CAMTA1: variants seen among roughly 807,000 people sequenced by gnomAD.
The protein encoded by CAMTA1 is calmodulin binding transcription activator 1.
A neutral mutation model predicts 170.9 loss-of-function variants in CAMTA1; 27 were observed. That is an observed-to-expected ratio of 0.16 (90% CI 0.12 to 0.22). CAMTA1 has a LOEUF of 0.22. Ranked by LOEUF, CAMTA1 falls within the 10% of genes least tolerant of loss-of-function variation. CAMTA1 has a pLI of 1.00. For missense variants in CAMTA1, 1,619 were observed against 2,217.2 expected, an observed-to-expected ratio of 0.73 and a Z score of 5.42; for synonymous variants, 833 against 891.5, an observed-to-expected ratio of 0.93 and a Z score of 1.17.
chr1:7,550,734 C>T (rs1454554490), intron 6 of CAMTA1, among the ~76,000 whole-genome samples: 2 of 151,026 alleles, frequency 1.3e-5, no homozygotes, highest in Non-Finnish European at 3.0e-5. Context: ...TGACTCCTCC[C>T]CACTGAACCC....
rs139267287 is a variant in CAMTA1 at position 7,769,468 on chromosome 1, G to A, written c.*2977G>A. ...ATGGCAGTTCCACACAGTAGTTGGC[G>A]CCCAATGGGGGGTCCCTGAGACTTG... On this transcript the variant is annotated 3_prime_UTR_variant, in exon 23 of 23. Transcript: ENST00000303635. 3 of 152,862 alleles carry A rather than the reference G, an allele frequency of 2.0e-5. No individual in the cohort carries two copies. Among genetic ancestry groups the A allele is most frequent in the African/African-American group, 7.2e-5 (3 of 41,550 alleles). 9.5% of individuals were successfully genotyped at this position (152,862 alleles called of 1,614,324 possible). A position where few individuals can be genotyped will look rare whatever the true frequency, so the allele number is the denominator to read the frequency against.
At chr1:7,447,419 G>C (rs1166049797) in intron 5 of CAMTA1, among the ~76,000 whole-genome samples, 17 of 151,470 alleles carry the variant, frequency 1.1e-4, no homozygotes, top group Non-Finnish European at 2.2e-4. Flanking sequence ...GGCTTTGAGT[G>C]GGGGCGGGGT....
At chr1:7,147,247 C>T (rs192857297) in intron 4 of CAMTA1, among the ~76,000 whole-genome samples, 24 of 152,112 alleles carry the variant, frequency 1.6e-4, no homozygotes, top group African/African-American at 4.8e-4. Flanking sequence ...GGTGAAACCC[C>T]GTCTCTACTA....
intron 14 of CAMTA1, 83 bp downstream of exon 14, chr1:7,737,092 G>A (rs958398386): frequency 3.7e-5 from 50 of 1,343,744 alleles, no homozygotes; most frequent in African/African-American, 5.8e-5. Flanking sequence ...GTTGTCTCTT[G>A]CTGACACATG....
chr1:7,157,196 T>A (rs1646935994), intron 4 of CAMTA1, among the ~76,000 whole-genome samples: 2 of 151,314 alleles, frequency 1.3e-5, no homozygotes, highest in East Asian at 3.9e-4. Flanking sequence ...ACAAAAAAAA[T>A]TAGCCGGGCG....
intron 6 of CAMTA1, among the ~76,000 whole-genome samples, chr1:7,497,123 C>T (rs1248921201): frequency 6.6e-6 from 1 of 152,192 alleles, no homozygotes; most frequent in Admixed American, 6.5e-5. Context: ...AAGTGGCTGC[C>T]GCTTCTCCTG....
At chr1:6,861,386 T>C (rs1385923504) in intron 3 of CAMTA1, among the ~76,000 whole-genome samples, 1 of 152,250 alleles carries the variant, frequency 6.6e-6, no homozygotes, top group South Asian at 2.1e-4. Context: ...GCAACTTTTC[T>C]TGTCACTGAG....
Position 7,696,509 on chromosome 1 carries a change from TA to T in CAMTA1, c.2914+18780del, listed in dbSNP as rs111832916. Among the ~76,000 whole-genome samples, 208 of 151,186 alleles carry T rather than the reference TA, an allele frequency of 1.4e-3. 1 individual carries two copies. Among genetic ancestry groups the T allele is most frequent in the East Asian group, 9.7e-3 (50 of 5,136 alleles). On this transcript the variant is annotated intron_variant, in intron 11 of 22. Coordinates refer to ENST00000303635, the MANE Select transcript of CAMTA1 (RefSeq NM_015215.4). The stretch of plus-strand genomic sequence containing the variant: ...GTGCCCAGCCAGTTTTTTTTTTTTT[TA>T]AAATAAATGTTATCTGCTTTATAAG...
intron 6 of CAMTA1, among the ~76,000 whole-genome samples, chr1:7,612,698 A>G (rs930495772): frequency 3.3e-5 from 5 of 152,366 alleles, no homozygotes; most frequent in African/African-American, 9.6e-5. Flanking sequence ...GCTGCCAGGC[A>G]CAGCCATTCT....
At chr1:7,396,901 AT>A (rs2089357637) in intron 5 of CAMTA1, among the ~76,000 whole-genome samples, 3 of 152,146 alleles carry the variant, frequency 2.0e-5, no homozygotes. Context: ...GTTTGCTAGT[AT>A]TTTGTTGAGG....
chr1:7,498,355 G>T (rs2093875185), intron 6 of CAMTA1, among the ~76,000 whole-genome samples: 1 of 140,924 alleles, frequency 7.1e-6, no homozygotes, highest in Non-Finnish European at 1.5e-5. Flanking sequence ...TGTGTGTAGA[G>T]TGAGTGTGGA....
chr1:6,985,342 T>C (rs1186319874), intron 3 of CAMTA1, among the ~76,000 whole-genome samples: 1 of 152,242 alleles, frequency 6.6e-6, no homozygotes, highest in African/African-American at 2.4e-5. Context: ...AGATGATCTC[T>C]GCTCCTCTCC....
At chr1:6,977,466 G>A (rs571874292) in intron 3 of CAMTA1, among the ~76,000 whole-genome samples, 9 of 151,964 alleles carry the variant, frequency 5.9e-5, no homozygotes, top group East Asian at 3.9e-4. Context: ...TCAGCCTCCC[G>A]AGTAGCTGGG....
rs568490900 is a variant in CAMTA1 at position 7,749,297 on chromosome 1, A to T, written c.4689+1516A>T. ...CGTTTCCTCAAGCTTCTCTAGGATT[A>T]AGCCCTATTAATGGGGGTGGGGGGA... On this transcript the variant is annotated intron_variant, in intron 19 of 22. Coordinates refer to ENST00000303635, the MANE Select transcript of CAMTA1 (RefSeq NM_015215.4). Among the ~76,000 whole-genome samples, 24 of 152,268 alleles carry T rather than the reference A, an allele frequency of 1.6e-4. No homozygotes were observed. The South Asian group carries it at 5.0e-3, about 32-fold the overall frequency.
At position 7,449,715 on chromosome 1, in the gene CAMTA1, A is replaced by C. The variant is rs2092769383; in HGVS notation, c.439-18115A>C. On this transcript the variant is annotated intron_variant, in intron 5 of 22. Transcript: ENST00000303635. The stretch of plus-strand genomic sequence containing the variant: ...AACCTGGGAGGTGGAGGTTGCAGTG[A>C]GCCGAAATAGTGCCACTACACTCCA... Among the ~76,000 whole-genome samples, 3 of 145,582 alleles carry C rather than the reference A, an allele frequency of 2.1e-5. No individual in the cohort carries two copies. In the South Asian group the frequency reaches 6.6e-4, roughly 32 times the overall value.
intron 5 of CAMTA1, among the ~76,000 whole-genome samples, chr1:7,365,356 C>G (rs952391299): frequency 6.6e-6 from 1 of 152,186 alleles, no homozygotes. Flanking sequence ...TTGTTGAATA[C>G]TGAAATCTCA....
At chr1:7,747,906 G>GTTTTTTTTTTTTTTTTT in intron 19 of CAMTA1, 125 bp downstream of exon 19, 1 of 412,908 alleles carries the variant, frequency 2.4e-6, no homozygotes, top group Non-Finnish European at 4.3e-6. Flanking sequence ...TTTTTTGGTT[G>GTTTTTTTTTTTTTTTTT]TTTTTTTTTT....
chr1:7,370,889 T>C (rs2086388113), intron 5 of CAMTA1, among the ~76,000 whole-genome samples: 1 of 149,894 alleles, frequency 6.7e-6, no homozygotes, highest in Non-Finnish European at 1.5e-5. Flanking sequence ...GGTCCTGGGA[T>C]ATGGCACTTT....
At chr1:7,658,324 G>T (rs1387725099) in intron 7 of CAMTA1, among the ~76,000 whole-genome samples, 3 of 152,140 alleles carry the variant, frequency 2.0e-5, no homozygotes, top group Non-Finnish European at 4.4e-5. Flanking sequence ...GGACAGAGCT[G>T]CGTGTTCTCC....
Sources: gnomAD v4.1 joint callset for allele counts (sites outside exome capture counted in the v4.1 genomes callset) on GRCh38, gnomAD v4.1.1 for gene constraint, MANE v1.5 for transcripts, NCBI Gene and HGNC (gene_info 2026-07-23, HGNC 2026-07-21) for gene names.